Variants in CSMD1 observed in about 807,000 individuals in gnomAD.
CSMD1 encodes the protein CUB and sushi domain-containing protein 1.
Under a neutral mutation model 417.5 loss-of-function variants are expected in CSMD1, and 213 were observed. The ratio of observed to expected loss-of-function variants is 0.51; its 90% confidence interval spans 0.46 to 0.57. The LOEUF is 0.57. Ranked by LOEUF, CSMD1 falls within the 20% of genes least tolerant of loss-of-function variation. CSMD1 has a pLI of 0.00. For synonymous variants in CSMD1, 2,862 were observed against 1,736.8 expected (o/e 1.65, Z -16.11); for missense variants, 6,923 against 4,529.7 (o/e 1.53, Z -15.17).
At chr8:4,234,318 A>G (rs1047877235) in intron 3 of CSMD1, among the ~76,000 whole-genome samples, 1 of 152,144 alleles carries the variant, frequency 6.6e-6, no homozygotes, top group Non-Finnish European at 1.5e-5. Context: ...GATTGCAGAC[A>G]CAAGTTTAGA....
At chr8:3,466,193 T>C (rs1816782627) in intron 12 of CSMD1, among the ~76,000 whole-genome samples, 1 of 151,854 alleles carries the variant, frequency 6.6e-6, no homozygotes, top group Admixed American at 6.6e-5. Flanking sequence ...GAAGCAGTTG[T>C]GATTACTAGG....
At chr8:3,971,567 T>A (rs541336524) in intron 5 of CSMD1, among the ~76,000 whole-genome samples, 2 of 152,272 alleles carry the variant, frequency 1.3e-5, no homozygotes, top group East Asian at 1.9e-4. Flanking sequence ...AATTAAAAAA[T>A]TAATACCATA....
intron 3 of CSMD1, among the ~76,000 whole-genome samples, chr8:4,101,538 A>G (rs533034686): frequency 6.6e-6 from 1 of 152,320 alleles, no homozygotes; most frequent in Admixed American, 6.5e-5. Context: ...AACATACCTA[A>G]AAAATTATGG....
chr8:4,801,428 G>A (rs775804314), intron 1 of CSMD1, among the ~76,000 whole-genome samples: 1 of 151,856 alleles, frequency 6.6e-6, no homozygotes, highest in Non-Finnish European at 1.5e-5. Context: ...CGGCCAGTCA[G>A]CTACTCTTAG....
At chr8:4,291,692 C>T (rs538214914) in intron 3 of CSMD1, among the ~76,000 whole-genome samples, 4 of 152,168 alleles carry the variant, frequency 2.6e-5, no homozygotes, top group Non-Finnish European at 2.9e-5. Context: ...CTTTATTCAA[C>T]GGGTGGTAAA....
Position 3,083,911 on chromosome 8 carries a change from C to T in CSMD1, c.7474+3186G>A, listed in dbSNP as rs189092107. ...TGTGTTCAAGCAATCCACCCACCCA[C>T]CTTGGCCTCCCAAAGATGCTTGGAA... On this transcript the variant is annotated intron_variant, in intron 49 of 69. Transcript: ENST00000635120. Among the ~76,000 whole-genome samples the T allele has an allele frequency of 9.1e-3, 1,388 of 151,884 alleles. 8 individuals carry two copies. Among genetic ancestry groups the T allele is most frequent in the Middle Eastern group, 0.045 (13 of 292 alleles).
At chr8:3,398,338 G>C (rs916258673) in intron 16 of CSMD1, among the ~76,000 whole-genome samples, 1 of 152,116 alleles carries the variant, frequency 6.6e-6, no homozygotes, top group Admixed American at 6.6e-5. Flanking sequence ...TTCTAATATA[G>C]ATGGATTTAT....
At chr8:4,154,673 C>A (rs978837457) in intron 3 of CSMD1, among the ~76,000 whole-genome samples, 1 of 152,152 alleles carries the variant, frequency 6.6e-6, no homozygotes, top group Non-Finnish European at 1.5e-5. Flanking sequence ...TAGTTGATAA[C>A]CTGAGAATTC....
At chr8:4,048,408 C>T (rs1040156406) in intron 3 of CSMD1, among the ~76,000 whole-genome samples, 11 of 152,172 alleles carry the variant, frequency 7.2e-5, no homozygotes, top group African/African-American at 2.2e-4. Flanking sequence ...CCACTGTGTA[C>T]ATATTTCAAT....
In CSMD1 at chr8:3,972,378, C is replaced by A. The variant is rs59909384; in HGVS notation, c.818+25525G>T. On this transcript the variant is annotated intron_variant, in intron 5 of 69. Transcript: ENST00000635120. ...TTAATTTTTGCTAAAGCTCTTTTTT[C>A]TTTATACAAACACAAGTATATTAGA... is the stretch of plus-strand genomic sequence containing the variant. Among the ~76,000 whole-genome samples the A allele has an allele frequency of 3.4e-3, 516 of 152,094 alleles. 26 individuals are homozygous for A. The East Asian group carries it at 0.088, about 26-fold the overall frequency.
intron 6 of CSMD1, among the ~76,000 whole-genome samples, chr8:3,726,654 C>T (rs535845360): frequency 2.6e-5 from 4 of 152,228 alleles, no homozygotes; most frequent in African/African-American, 4.8e-5. Context: ...TTCCATCATA[C>T]AGGTGACATC....
At chr8:3,912,661 G>A (rs17067946) in intron 5 of CSMD1, among the ~76,000 whole-genome samples, 288 of 152,264 alleles carry the variant, frequency 1.9e-3, no homozygotes, top group African/African-American at 6.7e-3. Flanking sequence ...GGAAAAAAGT[G>A]GAGCATGTTT....
chr8:3,987,865 G>A (rs966927286), intron 5 of CSMD1, among the ~76,000 whole-genome samples: 16 of 152,172 alleles, frequency 1.1e-4, no homozygotes, highest in East Asian at 1.9e-4. Flanking sequence ...ATGGTTCAGG[G>A]TCCAATCTGT....
intron 38 of CSMD1, among the ~76,000 whole-genome samples, chr8:3,158,654 C>T (rs183133979): frequency 1.3e-5 from 2 of 150,880 alleles, no homozygotes; most frequent in African/African-American, 2.5e-5. Context: ...AAAAAACAAA[C>T]AGTAGAGGGT....
intron 26 of CSMD1, among the ~76,000 whole-genome samples, chr8:3,243,882 C>T (rs957095426): frequency 6.6e-6 from 1 of 152,028 alleles, no homozygotes; most frequent in African/African-American, 2.4e-5. Context: ...GTTGGGGCCA[C>T]AGTCTATTAA....
chr8:4,086,777 G>T (rs1458121582), intron 3 of CSMD1, among the ~76,000 whole-genome samples: 1 of 152,128 alleles, frequency 6.6e-6, no homozygotes, highest in African/African-American at 2.4e-5. Flanking sequence ...TTTTTCAACT[G>T]AGTGAATGAA....
intron 2 of CSMD1, among the ~76,000 whole-genome samples, chr8:4,636,182 T>A (rs913229187): frequency 2.0e-5 from 3 of 152,126 alleles, no homozygotes; most frequent in Admixed American, 6.5e-5. Context: ...TTAACATCAG[T>A]AATCTATATA....
At chr8:4,701,317 C>CTTT (rs5889050) in intron 1 of CSMD1, among the ~76,000 whole-genome samples, 203 of 143,296 alleles carry the variant, frequency 1.4e-3, no homozygotes, top group Admixed American at 3.4e-3. Flanking sequence ...TCCTTTGATG[C>CTTT]TTTTTTTTTT....
intron 1 of CSMD1, among the ~76,000 whole-genome samples, chr8:4,715,814 C>T (rs1443278574): frequency 1.3e-5 from 2 of 152,214 alleles, no homozygotes; most frequent in Non-Finnish European, 2.9e-5. Context: ...ATCTCTAGCA[C>T]TACCCCTCTG....
Sources: allele counts gnomAD v4.1 joint callset (sites outside exome capture counted in the v4.1 genomes callset), GRCh38; gene constraint gnomAD v4.1.1; transcripts MANE v1.5; gene names NCBI Gene and HGNC (gene_info 2026-07-23, HGNC 2026-07-21).